The following EMSY variants were observed in gnomAD, a reference collection of about 807,000 sequenced individuals.
EMSY encodes EMSY transcriptional repressor, BRCA2 interacting, also known as BRCA2-interacting transcriptional repressor EMSY.
A neutral mutation model predicts 134.6 loss-of-function variants in EMSY; 26 were observed. The ratio of observed to expected loss-of-function variants is 0.19; its 90% CI spans 0.14 to 0.27. The LOEUF (loss-of-function observed/expected upper bound fraction) is 0.27. Among genes scored for constraint, EMSY ranks in the 10% least tolerant of loss-of-function variants. The probability of loss-of-function intolerance (pLI) is 1.00; values close to 1 mark genes in which losing one functional copy is unlikely to be tolerated. For synonymous variants in EMSY, 579 were observed against 577.8 expected (o/e 1.00, Z -0.03); for missense variants, 1,305 against 1,611.4 (o/e 0.81, Z 3.26).
intron 1 of EMSY, among the ~76,000 whole-genome samples, chr11:76,445,669 TC>T (rs1315300226): frequency 6.6e-6 from 1 of 152,134 alleles, no homozygotes; most frequent in Non-Finnish European, 1.5e-5. Context: ...TGCCCGGGTT[TC>T]CGATGCGTTG....
intron 8 of EMSY, among the ~76,000 whole-genome samples, chr11:76,487,143 G>A (rs917729530): frequency 2.0e-5 from 3 of 152,130 alleles, no homozygotes; most frequent in African/African-American, 7.2e-5. Context: ...AGCTGGGCCT[G>A]GTGGTGGGCG....
intron 7 of EMSY, among the ~76,000 whole-genome samples, chr11:76,472,269 A>T (rs1948602133): frequency 6.6e-6 from 1 of 152,212 alleles, no homozygotes. Context: ...CTTTCTAGAA[A>T]GAGTGTGCCA....
Position 76,513,546 on chromosome 11 carries a change from T to G in EMSY, c.1513+11T>G. ...TAACCACTCCTACTGGTAAGTTCTC[T>G]TGAGCATCAGTTCATTTATTCATCA... On this transcript the variant is annotated intron_variant, in intron 10 of 20. Coordinates refer to ENST00000334736, the Ensembl canonical transcript of EMSY. 6.2e-7 allele frequency: 1 copy of G among 1,612,134 alleles called. No homozygotes were observed. The highest frequency in any genetic ancestry group is 8.5e-7 in the Non-Finnish European group (1 of 1,178,872).
chr11:76,464,962 A>G (rs1948290293), intron 7 of EMSY, among the ~76,000 whole-genome samples: 1 of 152,196 alleles, frequency 6.6e-6, no homozygotes, highest in African/African-American at 2.4e-5. Flanking sequence ...GAAGTCCAGT[A>G]CCATTCTAAT....
intron 9 of EMSY, among the ~76,000 whole-genome samples, chr11:76,500,076 C>CAAAA (rs66518169): frequency 8.0e-6 from 1 of 124,274 alleles, no homozygotes; most frequent in Non-Finnish European, 1.7e-5. Flanking sequence ...GAGCCTATCT[C>CAAAA]AAAAAAAAAA....
chr11:76,522,381 T>TTTTTTTTTTTTTTTTTTTTTTTTTTTC, intron 11 of EMSY, among the ~76,000 whole-genome samples: 1 of 126,664 alleles, frequency 7.9e-6, no homozygotes, highest in Non-Finnish European at 1.7e-5. Flanking sequence ...TTTTTTTTTT[T>TTTTTTTTTTTTTTTTTTTTTTTTTTTC]TCTTGAGATC....
At chr11:76,453,252 A>G (rs1947739556) in intron 3 of EMSY, 62 bp from the exon 4 acceptor site, 10 of 1,490,720 alleles carry the variant, frequency 6.7e-6, no homozygotes, top group Non-Finnish European at 9.2e-6. Context: ...TTAAACATTA[A>G]TGAAAGTATA....
chr11:76,462,449 C>G (rs1236410785), intron 6 of EMSY, among the ~76,000 whole-genome samples: 1 of 152,164 alleles, frequency 6.6e-6, no homozygotes, highest in African/African-American at 2.4e-5. Context: ...ACCAATAAGA[C>G]TTAGTCATTA....
At position 76,465,978 on chromosome 11, in the gene EMSY, C is replaced by T. The variant is rs561188624; in HGVS notation, c.831+1898C>T. ...GGATTGTTCAGAAATATCCCAGTCT[C>T]CTGCCTCGAGTAATATAAGCCTGGT... On this transcript the variant is annotated intron_variant, in intron 7 of 20. Coordinates refer to ENST00000334736, the Ensembl canonical transcript of EMSY. Among the ~76,000 whole-genome samples the T allele has an allele frequency of 5.9e-5, 9 of 152,278 alleles. No homozygotes were observed. The South Asian group carries it at 1.5e-3, about 25-fold the overall frequency.
intron 12 of EMSY, among the ~76,000 whole-genome samples, chr11:76,525,409 G>A (rs559954621): frequency 1.4e-4 from 21 of 152,266 alleles, no homozygotes; most frequent in African/African-American, 3.4e-4. Context: ...GCCAGCTCAC[G>A]TGGGTGCTTT....
chr11:76,552,564 T>C (rs540456743), downstream of EMSY: 2 of 152,338 alleles, frequency 1.3e-5, no homozygotes, highest in East Asian at 3.9e-4. Flanking sequence ...AAAAATCCAT[T>C]TGGCTTAAAG....
At chr11:76,473,018 A>G (rs1201414640) in intron 8 of EMSY, among the ~76,000 whole-genome samples, 178 bp downstream of exon 9, 2 of 152,222 alleles carry the variant, frequency 1.3e-5, no homozygotes, top group Non-Finnish European at 2.9e-5. Flanking sequence ...ATTTTCTTAT[A>G]TTAATATGCT....
chr11:76,475,171 C>T (rs759619707), intron 8 of EMSY, among the ~76,000 whole-genome samples: 3 of 152,152 alleles, frequency 2.0e-5, no homozygotes, highest in Non-Finnish European at 2.9e-5. Flanking sequence ...GGAAAGGCCA[C>T]CTGACTCCTC....
chr11:76,490,608 T>G (rs1439329920), intron 8 of EMSY, among the ~76,000 whole-genome samples: 1 of 152,230 alleles, frequency 6.6e-6, no homozygotes, highest in Non-Finnish European at 1.5e-5. Context: ...TGTCATACAC[T>G]TTAATTCTAT....
intron 9 of EMSY, among the ~76,000 whole-genome samples, chr11:76,512,910 A>G (rs1373388622): frequency 6.6e-6 from 1 of 152,138 alleles, no homozygotes; most frequent in Non-Finnish European, 1.5e-5. Flanking sequence ...AAAAATTCAA[A>G]CAAAAAATGT....
intron 3 of EMSY, among the ~76,000 whole-genome samples, chr11:76,452,616 G>A (rs1947714091): frequency 6.6e-6 from 1 of 152,084 alleles, no homozygotes; most frequent in African/African-American, 2.4e-5. Flanking sequence ...TTGAAGAGTG[G>A]TATTCATTTT....
At chr11:76,544,566 C>G in exon 19 of EMSY, 6 of 1,614,178 alleles carry the variant, frequency 3.7e-6, no homozygotes, top group Non-Finnish European at 5.1e-6. Context: ...AAACTCACCC[C>G]TCTCCAGCAA....
chr11:76,504,117 A>G (rs1309059017), intron 9 of EMSY, among the ~76,000 whole-genome samples: 1 of 152,042 alleles, frequency 6.6e-6, no homozygotes, highest in African/African-American at 2.4e-5. Flanking sequence ...ACCATCAAGA[A>G]AGTAAAAAGA....
intron 8 of EMSY, among the ~76,000 whole-genome samples, chr11:76,493,663 G>C (rs1426625312): frequency 6.6e-6 from 1 of 152,228 alleles, no homozygotes; most frequent in Non-Finnish European, 1.5e-5. Flanking sequence ...GCTGAAAGCT[G>C]AACACTCGTT....
Sources: allele counts gnomAD v4.1 joint callset (sites outside exome capture counted in the v4.1 genomes callset), GRCh38; gene constraint gnomAD v4.1.1; transcripts MANE v1.5; gene names NCBI Gene and HGNC (gene_info 2026-07-23, HGNC 2026-07-21).